The following FAM107B variants were observed in gnomAD, a reference collection of about 807,000 sequenced individuals.
FAM107B encodes the protein family with sequence similarity 107 member B, also known as protein FAM107B.
Under a neutral mutation model 31.5 loss-of-function variants are expected in FAM107B, and 21 were observed. The ratio of observed to expected loss-of-function variants is 0.67; its 90% confidence interval spans 0.47 to 0.96. The LOEUF is 0.96. Ranked by LOEUF, FAM107B falls within the 40% of genes least tolerant of loss-of-function variation. The pLI, the probability that FAM107B is intolerant of heterozygous loss-of-function variation, is 0.00. For missense variants in FAM107B, 452 were observed against 377.1 expected (o/e 1.20, Z -1.64); for synonymous variants, 157 against 141.5 (o/e 1.11, Z -0.78).
chr10:14,760,699 AG>A (rs34326343), intron 1 of FAM107B, among the ~76,000 whole-genome samples: 20,687 of 152,126 alleles, frequency 0.14, 1,702 homozygotes, highest in East Asian at 0.27. Flanking sequence ...ATCTGATTTA[AG>A]GATGAAGGAT....
chr10:14,772,362 A>AATAT (rs1554759098), intron 1 of FAM107B, among the ~76,000 whole-genome samples: 2,680 of 145,594 alleles, frequency 0.018, 90 homozygotes, highest in African/African-American at 0.065. Context: ...TTAAAAAAAA[A>AATAT]ATATATATAT....
intron 1 of FAM107B, among the ~76,000 whole-genome samples, chr10:14,673,681 G>A (rs767278287): frequency 1.1e-4 from 16 of 152,228 alleles, no homozygotes; most frequent in South Asian, 2.1e-4. Flanking sequence ...TCATATGGTC[G>A]TTCTATTTTT....
chr10:14,759,424 T>A (rs1031685414), intron 1 of FAM107B, among the ~76,000 whole-genome samples: 1 of 152,096 alleles, frequency 6.6e-6, no homozygotes, highest in Non-Finnish European at 1.5e-5. Context: ...CCAACACCCA[T>A]TTCTGGTCTG....
intron 2 of FAM107B, chr10:14,553,475 G>A (rs1849442277): frequency 1.4e-6 from 1 of 729,724 alleles, no homozygotes; most frequent in Non-Finnish European, 2.0e-6. Context: ...CTAAGAAGCT[G>A]AACAAAATTC....
intron 2 of FAM107B, among the ~76,000 whole-genome samples, chr10:14,581,698 G>A (rs760274968): frequency 3.9e-5 from 6 of 152,162 alleles, no homozygotes; most frequent in Non-Finnish European, 7.4e-5. Flanking sequence ...GTCAAGAGTT[G>A]GAGAACAGCC....
chr10:14,670,047 T>C (rs1306562314), intron 1 of FAM107B, among the ~76,000 whole-genome samples: 1 of 152,222 alleles, frequency 6.6e-6, no homozygotes, highest in Non-Finnish European at 1.5e-5. Flanking sequence ...CCCATGAATA[T>C]GTAAATATTA....
Position 14,573,760 on chromosome 10 carries a change from C to A in FAM107B, c.470-43245G>T, listed in dbSNP as rs142228985. Among the ~76,000 whole-genome samples the A allele has an allele frequency of 9.8e-3, 1,490 of 152,046 alleles. 23 individuals carry two copies. The highest frequency in any genetic ancestry group is 0.034 in the African/African-American group (1,414 of 41,468). On this transcript the variant is annotated intron_variant, in intron 2 of 4. Transcript: ENST00000181796. The stretch of plus-strand genomic sequence containing the variant: ...AATAAATAAATAAGTAAATAAGTTT[C>A]TTTTCTTTGTAAATTACCCAGTCTG...
chr10:14,574,359 T>C (rs1004188777), intron 2 of FAM107B, among the ~76,000 whole-genome samples: 2 of 152,244 alleles, frequency 1.3e-5, no homozygotes, highest in Non-Finnish European at 2.9e-5. Flanking sequence ...TGTTTTAACC[T>C]ACACATTATT....
chr10:14,674,993 C>T (rs1300404964), intron 1 of FAM107B, among the ~76,000 whole-genome samples: 3 of 152,124 alleles, frequency 2.0e-5, no homozygotes, highest in South Asian at 2.1e-4. Flanking sequence ...TGCTTGTCCA[C>T]GTATGTTTTT....
chr10:14,558,072 C>T (rs759266271), intron 2 of FAM107B, among the ~76,000 whole-genome samples: 1 of 152,214 alleles, frequency 6.6e-6, no homozygotes, highest in Non-Finnish European at 1.5e-5. Context: ...CTCAAGCTTG[C>T]CCTCCCTGTT....
intron 3 of FAM107B, among the ~76,000 whole-genome samples, chr10:14,522,709 T>G (rs1845794381): frequency 6.6e-6 from 1 of 152,038 alleles, no homozygotes; most frequent in Non-Finnish European, 1.5e-5. Context: ...CCACCACACC[T>G]GGCCTCTAGC....
chr10:14,565,876 C>T (rs184278131), intron 2 of FAM107B, among the ~76,000 whole-genome samples: 230 of 152,214 alleles, frequency 1.5e-3, no homozygotes, highest in Middle Eastern at 0.01. Flanking sequence ...GAGGAGGATG[C>T]GCTCCACAGT....
chr10:14,586,330 GA>G (rs993041817), intron 2 of FAM107B, among the ~76,000 whole-genome samples: 21 of 151,942 alleles, frequency 1.4e-4, no homozygotes, highest in African/African-American at 5.1e-4. Context: ...AAAAATAAAA[GA>G]AAAAAATATA....
At chr10:14,635,742 C>T (rs1187476500) in intron 2 of FAM107B, among the ~76,000 whole-genome samples, 5 of 152,158 alleles carry the variant, frequency 3.3e-5, no homozygotes, top group Non-Finnish European at 7.3e-5. Flanking sequence ...AGCAATTCTC[C>T]TGCCTCAGCC....
intron 1 of FAM107B, among the ~76,000 whole-genome samples, chr10:14,769,233 C>G (rs1383244061): frequency 6.6e-6 from 1 of 152,224 alleles, no homozygotes; most frequent in East Asian, 1.9e-4. Context: ...CCACCAGAGC[C>G]TGTGAATCTT....
intron 1 of FAM107B, among the ~76,000 whole-genome samples, chr10:14,761,575 G>A (rs1588762699): frequency 6.6e-6 from 1 of 152,150 alleles, no homozygotes. Context: ...ATACAAGGAG[G>A]AAGTTTAGGA....
intron 2 of FAM107B, among the ~76,000 whole-genome samples, chr10:14,647,073 T>C (rs990570983): frequency 1.3e-5 from 2 of 152,070 alleles, no homozygotes; most frequent in African/African-American, 4.8e-5. Context: ...GGATTACAAG[T>C]GTGAGCCACT....
chr10:14,758,135 A>G (rs1398426930), intron 1 of FAM107B, among the ~76,000 whole-genome samples: 1 of 152,202 alleles, frequency 6.6e-6, no homozygotes, highest in African/African-American at 2.4e-5. Context: ...ACAGATTGTG[A>G]AAGAGTAATT....
chr10:14,591,624 G>C (rs1295148630), intron 2 of FAM107B, among the ~76,000 whole-genome samples: 1 of 152,176 alleles, frequency 6.6e-6, no homozygotes, highest in Non-Finnish European at 1.5e-5. Flanking sequence ...TAACGGCATT[G>C]GGAGAAAGAT....
Sources: gnomAD v4.1 joint callset for allele counts (sites outside exome capture counted in the v4.1 genomes callset) on GRCh38, gnomAD v4.1.1 for gene constraint, MANE v1.5 for transcripts, NCBI Gene and HGNC (gene_info 2026-07-23, HGNC 2026-07-21) for gene names.